Variants in ASPH observed in about 807,000 individuals in gnomAD.
The protein encoded by ASPH is aspartyl/asparaginyl beta-hydroxylase.
Under a neutral mutation model 118.4 loss-of-function variants are expected in ASPH, and 100 were observed. That is an observed-to-expected ratio of 0.84 (90% CI 0.72 to 1.00). The LOEUF is 1.00. ASPH is among the 50% of genes least tolerant of loss of function. ASPH has a pLI of 0.00. For missense variants in ASPH, 920 were observed against 919.5 expected, an observed-to-expected ratio of 1.00 and a Z score of -0.01; for synonymous variants, 315 against 325.6, an observed-to-expected ratio of 0.97 and a Z score of 0.35.
At chr8:61,597,009 T>C (rs552104154) in intron 14 of ASPH, among the ~76,000 whole-genome samples, 1 of 151,868 alleles carries the variant, frequency 6.6e-6, no homozygotes, top group African/African-American at 2.4e-5. Context: ...AGAAAATAAT[T>C]TATGATCTGA....
At chr8:61,675,141 C>T in intron 3 of ASPH, 1 of 272,426 alleles carries the variant, frequency 3.7e-6, no homozygotes, top group Non-Finnish European at 5.6e-6. Flanking sequence ...GAAAAGTTTA[C>T]TGCCCTAAAT....
chr8:61,629,715 A>T (rs1301012290), intron 13 of ASPH, among the ~76,000 whole-genome samples: 1 of 152,248 alleles, frequency 6.6e-6, no homozygotes, highest in Non-Finnish European at 1.5e-5. Flanking sequence ...TATGTGATGA[A>T]CTAATGCAGA....
intron 3 of ASPH, among the ~76,000 whole-genome samples, chr8:61,654,816 T>C (rs1812813358): frequency 6.6e-6 from 1 of 152,122 alleles, no homozygotes; most frequent in East Asian, 1.9e-4. Flanking sequence ...ACACATACAG[T>C]TGTGTTCTAT....
intron 3 of ASPH, among the ~76,000 whole-genome samples, chr8:61,673,911 G>C (rs1823924180): frequency 1.3e-5 from 2 of 152,158 alleles, no homozygotes; most frequent in South Asian, 4.1e-4. Context: ...ACCTTCATCA[G>C]AGGCTTTCAG....
chr8:61,504,428 G>T (rs922841143), intron 24 of ASPH, among the ~76,000 whole-genome samples: 5 of 152,044 alleles, frequency 3.3e-5, no homozygotes, highest in African/African-American at 1.2e-4. Flanking sequence ...TTATAGCATG[G>T]GAAATGCTAG....
intron 3 of ASPH, chr8:61,668,382 TAA>T (rs113770348): frequency 2.7e-4 from 224 of 827,990 alleles, no homozygotes; most frequent in African/African-American, 1.5e-3. Flanking sequence ...TAAAATATGT[TAA>T]GTTAGTTAAA....
intron 1 of ASPH, among the ~76,000 whole-genome samples, chr8:61,686,605 T>C (rs1167172484): frequency 2.0e-5 from 3 of 152,172 alleles, no homozygotes; most frequent in African/African-American, 4.8e-5. Context: ...CATACAGACA[T>C]ATGCGTACAA....
chr8:61,500,568 G>C lies in ASPH; in HGVS notation c.*2791C>G, dbSNP rs1348133503. The C allele has an allele frequency of 6.6e-6, 1 of 152,070 alleles. No individual in the cohort carries two copies. The highest frequency in any genetic ancestry group is 1.5e-5 in the Non-Finnish European group (1 of 67,994). The allele number at this position is 152,070 out of a possible 1,614,324, so 9.4% of individuals were successfully genotyped here. A position where few individuals can be genotyped will look rare whatever the true frequency, so the allele number is the denominator to read the frequency against. On this transcript the variant is annotated 3_prime_UTR_variant, in exon 25 of 25. Transcript: ENST00000379454. ...TAGAAATGCAGGATGAAATGTCAAA[G>C]GTCATTTTATTTACCTAGTCTCCTT... is the stretch of plus-strand genomic sequence containing the variant.
chr8:61,682,351 G>A, intron 2 of ASPH: 1 of 1,359,180 alleles, frequency 7.4e-7, no homozygotes, highest in Admixed American at 1.9e-5. Flanking sequence ...CTTATATTCT[G>A]ATGTAGATAA....
chr8:61,569,766 C>T (rs1832902258), intron 16 of ASPH, among the ~76,000 whole-genome samples: 1 of 152,158 alleles, frequency 6.6e-6, no homozygotes, highest in South Asian at 2.1e-4. Context: ...TGGAGATATG[C>T]TCCAGACCAT....
intron 1 of ASPH, among the ~76,000 whole-genome samples, chr8:61,699,163 G>C (rs1157347525): frequency 6.6e-6 from 1 of 152,190 alleles, no homozygotes; most frequent in African/African-American, 2.4e-5. Context: ...TATTCCTTCA[G>C]ACTGTATGGT....
chr8:61,534,088 C>T (rs184934080), intron 21 of ASPH, among the ~76,000 whole-genome samples: 2 of 152,158 alleles, frequency 1.3e-5, no homozygotes, highest in African/African-American at 2.4e-5. Context: ...GCTGGGATTA[C>T]AGGCATGCAC....
chr8:61,688,640 T>C (rs1319905636), intron 1 of ASPH, among the ~76,000 whole-genome samples: 1 of 152,214 alleles, frequency 6.6e-6, no homozygotes, highest in East Asian at 1.9e-4. Flanking sequence ...TTAAAGTTTT[T>C]TGAAAAACAC....
At chr8:61,611,715 G>C (rs1426540339) in intron 14 of ASPH, among the ~76,000 whole-genome samples, 2 of 152,178 alleles carry the variant, frequency 1.3e-5, no homozygotes, top group Non-Finnish European at 2.9e-5. Flanking sequence ...ATCTGAGTAT[G>C]AATTCTACTC....
At chr8:61,554,049 A>G (rs141773418) in intron 19 of ASPH, among the ~76,000 whole-genome samples, 321 of 152,338 alleles carry the variant, frequency 2.1e-3, no homozygotes, top group Non-Finnish European at 3.4e-3. Flanking sequence ...TTGCTTGATA[A>G]CTGACCAGGC....
At chr8:61,708,383 T>C (rs1837228599) in intron 1 of ASPH, among the ~76,000 whole-genome samples, 1 of 152,198 alleles carries the variant, frequency 6.6e-6, no homozygotes, top group South Asian at 2.1e-4. Context: ...TCAACAAATA[T>C]TTACAACACA....
At chr8:61,559,276 G>A (rs1477037718) in intron 18 of ASPH, among the ~76,000 whole-genome samples, 1 of 152,106 alleles carries the variant, frequency 6.6e-6, no homozygotes, top group East Asian at 1.9e-4. Context: ...TACAAAATAT[G>A]CGTTAATCGA....
At chr8:61,568,169 T>C (rs975459670) in intron 16 of ASPH, among the ~76,000 whole-genome samples, 3 of 152,036 alleles carry the variant, frequency 2.0e-5, no homozygotes, top group South Asian at 2.1e-4. Context: ...ATCTGATGTA[T>C]GTATTGAAGG....
intron 1 of ASPH, among the ~76,000 whole-genome samples, chr8:61,685,793 T>A (rs1372225456): frequency 6.9e-6 from 1 of 145,674 alleles, no homozygotes; most frequent in African/African-American, 2.6e-5. Flanking sequence ...GTAGATAAAT[T>A]TTTTTTTTTT....
Sources: gnomAD v4.1 joint callset for allele counts (sites outside exome capture counted in the v4.1 genomes callset) on GRCh38, gnomAD v4.1.1 for gene constraint, MANE v1.5 for transcripts, NCBI Gene and HGNC (gene_info 2026-07-23, HGNC 2026-07-21) for gene names.